The following ABCB5 variants were observed in gnomAD, a reference collection of about 807,000 sequenced individuals.
The protein encoded by ABCB5 is ATP binding cassette subfamily B member 5.
ABCB5 carries 155 observed loss-of-function variants against 144.2 expected under a neutral mutation model. The observed-to-expected ratio is 1.08, with a 90% confidence interval of 0.94 to 1.23. ABCB5 has a LOEUF of 1.23. Ranked by LOEUF, ABCB5 falls within the 50% of genes most tolerant of loss-of-function variation. ABCB5 has a pLI of 0.00. For missense variants in ABCB5, 1,830 were observed against 1,520.8 expected (o/e 1.20, Z -3.38); for synonymous variants, 610 against 528.6 (o/e 1.15, Z -2.11).
At chr7:20,725,147 G>A (rs1382209583) in intron 21 of ABCB5, among the ~76,000 whole-genome samples, 2 of 152,134 alleles carry the variant, frequency 1.3e-5, no homozygotes, top group African/African-American at 2.4e-5. Context: ...TAATCAAATA[G>A]TCAATTGGAG....
At position 20,730,508 on chromosome 7, in the gene ABCB5, CA is replaced by C. The variant is rs756610536; in HGVS notation, c.2867+2059del. Among the ~76,000 whole-genome samples the C allele has an allele frequency of 3.3e-5, 5 of 152,188 alleles. No individual in the cohort carries two copies. In the South Asian group the frequency reaches 8.3e-4, roughly 25 times the overall value. On this transcript the variant is annotated intron_variant, in intron 23 of 27. Coordinates refer to ENST00000404938, the MANE Select transcript of ABCB5 (RefSeq NM_001163941.2). ...TGGATGACAGAGTGAGACTCTGCCT[CA>C]AAAAATTTAAAATAAAATTTCAACA...
At chr7:20,697,277 G>A (rs546330103) in intron 16 of ABCB5, among the ~76,000 whole-genome samples, 6 of 152,230 alleles carry the variant, frequency 3.9e-5, no homozygotes, top group East Asian at 1.9e-4. Context: ...ACAACAGTCC[G>A]CATTATAGTG....
At chr7:20,742,589 A>G (rs867648405) in intron 24 of ABCB5, among the ~76,000 whole-genome samples, 6 of 152,222 alleles carry the variant, frequency 3.9e-5, no homozygotes, top group South Asian at 2.1e-4. Flanking sequence ...CAAACAACCA[A>G]CTGCGGAATG....
intron 7 of ABCB5, among the ~76,000 whole-genome samples, chr7:20,644,318 A>G (rs2128023237): frequency 6.6e-6 from 1 of 152,238 alleles, no homozygotes; most frequent in Non-Finnish European, 1.5e-5. Flanking sequence ...GGCTGAAGCT[A>G]TCCGCCCACC....
chr7:20,651,512 G>T lies in ABCB5; in HGVS notation c.1425G>T (p.Gly475=), dbSNP rs1784587314. ...TTAGTCAAGAGCCTGTTTTGTTCGG[G>T]ACCACCATCAGTAACAATATCAAGT... ...GVVSQEPVLF[G]TTISNNIKYG... is the part of the protein sequence containing the mutation. Residue 475 remains glycine, a synonymous_variant, in exon 13 of 28, where the codon GGG becomes GGT. Coordinates refer to ENST00000404938, the MANE Select transcript of ABCB5 (RefSeq NM_001163941.2). The T allele has an allele frequency of 6.2e-7, 1 of 1,614,024 alleles. No individual in the cohort carries two copies. The highest frequency in any genetic ancestry group is 8.5e-7 in the Non-Finnish European group (1 of 1,180,002).
intron 26 of ABCB5, 124 bp downstream of exon 26, chr7:20,745,562 A>C: frequency 1.0e-6 from 1 of 956,906 alleles, no homozygotes; most frequent in Non-Finnish European, 1.5e-6. Context: ...CAGAATCTAA[A>C]GTTAGATGTA....
At chr7:20,674,385 T>C (rs1785540880) in intron 14 of ABCB5, among the ~76,000 whole-genome samples, 1 of 151,942 alleles carries the variant, frequency 6.6e-6, no homozygotes, top group Non-Finnish European at 1.5e-5. Flanking sequence ...TATAGAGTTT[T>C]AGCCTGAAAG....
intron 4 of ABCB5, among the ~76,000 whole-genome samples, chr7:20,629,591 G>A (rs964860354): frequency 3.3e-5 from 5 of 151,920 alleles, no homozygotes; most frequent in African/African-American, 9.7e-5. Context: ...GTGAAACCCC[G>A]TCTCTATTAA....
chr7:20,679,485 A>AAAAAAAAAAG (rs1396302002), intron 14 of ABCB5, among the ~76,000 whole-genome samples: 65 of 147,482 alleles, frequency 4.4e-4, no homozygotes, highest in African/African-American at 1.1e-3. Context: ...AAAAAAAAAA[A>AAAAAAAAAAG]AGAGAGAGAG....
intron 24 of ABCB5, 45 bp from the exon 25 acceptor site, chr7:20,742,832 C>A: frequency 6.3e-7 from 1 of 1,593,256 alleles, no homozygotes; most frequent in Non-Finnish European, 8.6e-7. Context: ...TGTGTTACAA[C>A]CTTCCCAAGT....
chr7:20,676,307 T>C (rs1488210771), intron 14 of ABCB5, among the ~76,000 whole-genome samples: 3 of 150,514 alleles, frequency 2.0e-5, no homozygotes, highest in African/African-American at 7.3e-5. Flanking sequence ...CCCATGCTCA[T>C]TGCATCATTA....
In ABCB5 at chr7:20,723,023, G is replaced by A. The variant is rs62453384; in HGVS notation, c.2429G>A (p.Gly810Asp). The change falls in exon 21 of 28, where the codon GGT becomes GAT. Residue 810 changes from glycine to aspartate, a missense_variant. By Grantham distance (94) the Gly-to-Asp change is moderately conservative. Transcript: ENST00000404938. ...AAATATGTCTGATTATAGGCAACAG[G>A]TTCCAGGATTGGCGTCTTAACACAA... ...IDIAQIQGAT[G>D]SRIGVLTQNA... 8.9e-5 allele frequency: 144 copies of A among 1,613,762 alleles called. No homozygotes were observed. The highest frequency in any genetic ancestry group is 5.1e-4 in the South Asian group (46 of 91,062).
At chr7:20,640,011 T>A (rs1202702661) in intron 5 of ABCB5, among the ~76,000 whole-genome samples, 1 of 152,170 alleles carries the variant, frequency 6.6e-6, no homozygotes, top group Non-Finnish European at 1.5e-5. Flanking sequence ...TTTATTTAGA[T>A]CTTCTTTAAC....
chr7:20,754,314 T>C (rs1243963891), intron 27 of ABCB5, among the ~76,000 whole-genome samples: 1 of 152,238 alleles, frequency 6.6e-6, no homozygotes, highest in Non-Finnish European at 1.5e-5. Flanking sequence ...TTATTATTCT[T>C]GATTCTCAAA....
At chr7:20,669,201 C>T (rs1230093704) in intron 14 of ABCB5, among the ~76,000 whole-genome samples, 3 of 145,394 alleles carry the variant, frequency 2.1e-5, no homozygotes, top group Non-Finnish European at 3.0e-5. Context: ...CCCCTCTGCC[C>T]GGCCACGACC....
intron 1 of ABCB5, among the ~76,000 whole-genome samples, chr7:20,617,172 C>G (rs1044332617): frequency 6.6e-6 from 1 of 152,152 alleles, no homozygotes; most frequent in Admixed American, 6.5e-5. Context: ...AGCTCTATGA[C>G]AGCAAAGATG....
At chr7:20,725,811 T>C (rs1471734948) in intron 21 of ABCB5, among the ~76,000 whole-genome samples, 1 of 152,202 alleles carries the variant, frequency 6.6e-6, no homozygotes, top group Admixed American at 6.5e-5. Context: ...TTTCTTCATA[T>C]ACTATGGAAT....
intron 4 of ABCB5, among the ~76,000 whole-genome samples, chr7:20,629,740 C>T (rs1448969483): frequency 1.3e-5 from 2 of 151,764 alleles, no homozygotes; most frequent in African/African-American, 4.8e-5. Flanking sequence ...CCAGCCTGGG[C>T]AACAAGAGCG....
chr7:20,701,541 G>A (rs1786627950), intron 19 of ABCB5, among the ~76,000 whole-genome samples: 1 of 152,070 alleles, frequency 6.6e-6, no homozygotes, highest in Admixed American at 6.5e-5. Flanking sequence ...AAAGCCATGA[G>A]ACCGTTTAAT....
Sources: allele counts gnomAD v4.1 joint callset (sites outside exome capture counted in the v4.1 genomes callset), GRCh38; gene constraint gnomAD v4.1.1; transcripts MANE v1.5; gene names NCBI Gene and HGNC (gene_info 2026-07-23, HGNC 2026-07-21).